Variants in DNAJC6 observed in about 807,000 individuals in gnomAD.
DNAJC6 encodes the protein DnaJ heat shock protein family (Hsp40) member C6, also known as auxilin.
A neutral mutation model predicts 110.0 loss-of-function variants in DNAJC6; 34 were observed. The observed-to-expected ratio is 0.31, with a 90% confidence interval of 0.24 to 0.41. The LOEUF (loss-of-function observed/expected upper bound fraction) is 0.41, where lower values mean the gene tolerates loss of function less well. DNAJC6 is among the 10% of genes least tolerant of loss of function. The pLI is 1.00. For missense variants in DNAJC6, 1,031 were observed against 1,207.8 expected (o/e 0.85, Z 2.17); for synonymous variants, 406 against 437.2 (o/e 0.93, Z 0.89).
intron 13 of DNAJC6, among the ~76,000 whole-genome samples, chr1:65,398,170 G>T (rs1645997359): frequency 6.6e-6 from 1 of 152,100 alleles, no homozygotes; most frequent in Non-Finnish European, 1.5e-5. Context: ...AACTTTGAGG[G>T]GGGGTCAGAA....
intron 15 of DNAJC6, among the ~76,000 whole-genome samples, chr1:65,403,282 G>A (rs1219539130): frequency 6.6e-6 from 1 of 152,204 alleles, no homozygotes. Context: ...AGGAAACAGG[G>A]ACACAACAGG....
chr1:65,387,124 C>T (rs990786621), intron 8 of DNAJC6, among the ~76,000 whole-genome samples, 195 bp downstream of exon 8: 2 of 152,136 alleles, frequency 1.3e-5, no homozygotes, highest in Admixed American at 1.3e-4. Context: ...TGTGACTTGC[C>T]CAAAGTCCTT....
At chr1:65,331,293 A>G (rs1645286810) in intron 1 of DNAJC6, among the ~76,000 whole-genome samples, 1 of 152,222 alleles carries the variant, frequency 6.6e-6, no homozygotes, top group Non-Finnish European at 1.5e-5. Context: ...AGAAATTCTC[A>G]GGATTCTGTG....
chr1:65,384,161 T>C (rs1645848299), intron 5 of DNAJC6, 32 bp from the exon 6 acceptor site: 1 of 1,424,734 alleles, frequency 7.0e-7, no homozygotes, highest in Non-Finnish European at 9.2e-7. Context: ...TTTGATCATG[T>C]TCATAATGAT....
chr1:65,267,240 G>C lies in DNAJC6; in HGVS notation c.-131+2308G>C, dbSNP rs183305885. ...TTTACTTTGTACTGGGAAGAGCCTTGGGTTGGGAGTCAAGATTGGTAGGCT... is the reference window on the plus strand; with the variant it reads ...TTTACTTTGTACTGGGAAGAGCCTTCGGTTGGGAGTCAAGATTGGTAGGCT... On this transcript the variant is annotated intron_variant, in intron 1 of 19. Coordinates refer to the DNAJC6 transcript ENST00000263441. 6.1e-3 allele frequency among the ~76,000 whole-genome samples: 925 copies of C among 152,180 alleles called. 4 individuals carry two copies. The highest frequency in any genetic ancestry group is 9.3e-3 in the Non-Finnish European group (631 of 68,006).
chr1:65,308,041 T>A (rs1645060863), upstream of DNAJC6, among the ~76,000 whole-genome samples: 1 of 152,182 alleles, frequency 6.6e-6, no homozygotes. Context: ...AGAATCTGTG[T>A]TTGGGTGATC....
rs773670078 is a variant in DNAJC6 at position 65,406,073 on chromosome 1, G to A, written c.2431G>A (p.Val811Met). 5.0e-6 allele frequency: 8 copies of A among 1,614,062 alleles called. No homozygotes were observed. The highest frequency in any genetic ancestry group is 1.1e-5 in the South Asian group (1 of 91,088). The change falls in exon 16 of 19, where the codon GTG (valine) becomes ATG (methionine). Residue 811 changes from valine (V) to methionine (M), a missense_variant. Transcript: ENST00000371069. Reference sequence around the variant, plus strand: ...TCCCCAGAACCGACCCAACTACAACGTGAGCTTCTCAGCCATGCCTGGGGG... The same window carrying A: ...TCCCCAGAACCGACCCAACTACAACATGAGCTTCTCAGCCATGCCTGGGGG... ...SSPQNRPNYN[V>M]SFSAMPGGQN...
intron 1 of DNAJC6, among the ~76,000 whole-genome samples, chr1:65,293,097 C>T (rs1644895330): frequency 6.6e-6 from 1 of 152,242 alleles, no homozygotes; most frequent in Admixed American, 6.5e-5. Flanking sequence ...CCCTCTGCCT[C>T]AGTCAGCTCA....
chr1:65,327,467 G>T (rs927177411), intron 1 of DNAJC6, among the ~76,000 whole-genome samples: 1 of 152,140 alleles, frequency 6.6e-6, no homozygotes, highest in East Asian at 1.9e-4. Context: ...TTAGAGCAAG[G>T]TTGGTGGCTC....
intron 1 of DNAJC6, among the ~76,000 whole-genome samples, chr1:65,284,976 C>G (rs901212620): frequency 2.0e-5 from 3 of 152,172 alleles, no homozygotes; most frequent in Non-Finnish European, 4.4e-5. Context: ...GCATGAGCCA[C>G]TGCGCCTGGC....
At chr1:65,288,264 T>C (rs954502622) in intron 1 of DNAJC6, among the ~76,000 whole-genome samples, 1 of 152,246 alleles carries the variant, frequency 6.6e-6, no homozygotes, top group African/African-American at 2.4e-5. Context: ...CTTAATTCAT[T>C]CTGTTTTTAT....
intron 12 of DNAJC6, among the ~76,000 whole-genome samples, chr1:65,394,283 G>A (rs1325739288): frequency 6.6e-6 from 1 of 152,122 alleles, no homozygotes; most frequent in Non-Finnish European, 1.5e-5. Context: ...TGACCTGTCT[G>A]AGGATACCCA....
At chr1:65,367,523 A>C (rs930625544) in intron 4 of DNAJC6, among the ~76,000 whole-genome samples, 1 of 152,162 alleles carries the variant, frequency 6.6e-6, no homozygotes, top group African/African-American at 2.4e-5. Flanking sequence ...TCTTGACTGG[A>C]GGCTAAGTCA....
chr1:65,371,820 C>G (rs373627721), intron 4 of DNAJC6, among the ~76,000 whole-genome samples: 1 of 152,114 alleles, frequency 6.6e-6, no homozygotes, highest in African/African-American at 2.4e-5. Context: ...GACAGCATTG[C>G]GAAGTGTCAG....
At chr1:65,275,367 C>T (rs1238449599) in intron 1 of DNAJC6, among the ~76,000 whole-genome samples, 1 of 152,190 alleles carries the variant, frequency 6.6e-6, no homozygotes, top group Non-Finnish European at 1.5e-5. Context: ...TATGGGGAAG[C>T]AGGTGTTCCC....
intron 1 of DNAJC6, among the ~76,000 whole-genome samples, chr1:65,285,347 T>A (rs929956153): frequency 1.8e-4 from 28 of 152,332 alleles, no homozygotes; most frequent in African/African-American, 6.7e-4. Context: ...TTATTGGGCC[T>A]CATCTTATTG....
At chr1:65,325,302 C>G (rs1557522502) in intron 1 of DNAJC6, among the ~76,000 whole-genome samples, 1 of 152,170 alleles carries the variant, frequency 6.6e-6, no homozygotes, top group African/African-American at 2.4e-5. Context: ...GGAAAAGAAA[C>G]AAAAGCTAAG....
intron 1 of DNAJC6, among the ~76,000 whole-genome samples, chr1:65,364,171 G>A (rs1260121850): frequency 2.0e-5 from 3 of 152,118 alleles, no homozygotes; most frequent in African/African-American, 4.8e-5. Context: ...CAGGTAAAAA[G>A]GAGCAGGTGA....
chr1:65,366,757 T>C (rs1645650537), intron 4 of DNAJC6, among the ~76,000 whole-genome samples: 1 of 152,132 alleles, frequency 6.6e-6, no homozygotes, highest in Non-Finnish European at 1.5e-5. Context: ...ACTTACTCAC[T>C]AAAAAAAGGC....
Sources: allele counts gnomAD v4.1 joint callset (sites outside exome capture counted in the v4.1 genomes callset), GRCh38; gene constraint gnomAD v4.1.1; transcripts MANE v1.5; gene names NCBI Gene and HGNC (gene_info 2026-07-23, HGNC 2026-07-21).